The following ROBO1 variants were observed in gnomAD, a reference collection of about 807,000 sequenced individuals.
The protein encoded by ROBO1 is roundabout guidance receptor 1.
A neutral mutation model predicts 195.9 loss-of-function variants in ROBO1; 149 were observed. The ratio of observed to expected loss-of-function variants is 0.76; its 90% CI spans 0.67 to 0.87. The LOEUF is 0.87. Among genes scored for constraint, ROBO1 ranks in the 40% least tolerant of loss-of-function variants. ROBO1 has a pLI of 0.00. For synonymous variants in ROBO1, 816 were observed against 733.2 expected (o/e 1.11, Z -1.82); for missense variants, 1,933 against 2,068.3 (o/e 0.93, Z 1.27).
chr3:78,624,602 AGTATCCGATTCCATT>A (rs1365983093), intron 26 of ROBO1, among the ~76,000 whole-genome samples: 1 of 152,180 alleles, frequency 6.6e-6, no homozygotes, highest in Non-Finnish European at 1.5e-5. Flanking sequence ...ATTATTCCAT[AGTATCCGATTCCATT>A]CATCAAATAC....
chr3:79,319,553 C>A (rs1393151255), intron 2 of ROBO1, among the ~76,000 whole-genome samples: 1 of 151,822 alleles, frequency 6.6e-6, no homozygotes, highest in Admixed American at 6.6e-5. Context: ...TGCATTAAAA[C>A]CTAAAGGACT....
chr3:79,382,491 A>G (rs1373162672), intron 2 of ROBO1, among the ~76,000 whole-genome samples: 1 of 152,182 alleles, frequency 6.6e-6, no homozygotes, highest in Admixed American at 6.5e-5. Context: ...CAACTATTAC[A>G]TTATAATAGA....
chr3:78,838,232 C>T (rs1408188638), intron 4 of ROBO1, among the ~76,000 whole-genome samples: 4 of 152,080 alleles, frequency 2.6e-5, no homozygotes, highest in Admixed American at 6.6e-5. Flanking sequence ...ATAAAAGAAA[C>T]TGCAGAAATG....
In ROBO1 at chr3:78,634,081, T is replaced by C. The variant is rs753729353; in HGVS notation, c.3374-39A>G. The C allele has an allele frequency of 1.0e-5, 14 of 1,362,790 alleles. No individual in the cohort carries two copies. The African/African-American group carries it at 1.9e-4, about 18-fold the overall frequency. 84.4% of individuals were successfully genotyped at this position (1,362,790 alleles called of 1,614,324 possible). ...ATGAAAAAACAATAAACATTTATTTTCTCTTCATGAGCGATTTCACATCTC... is the reference window on the plus strand; with the variant it reads ...ATGAAAAAACAATAAACATTTATTTCCTCTTCATGAGCGATTTCACATCTC... On this transcript the variant is annotated intron_variant, in intron 23 of 30. Coordinates refer to ENST00000464233, the MANE Select transcript of ROBO1 (RefSeq NM_002941.4).
intron 1 of ROBO1, among the ~76,000 whole-genome samples, chr3:79,604,846 T>C (rs771470719): frequency 3.3e-5 from 5 of 152,060 alleles, no homozygotes; most frequent in African/African-American, 1.2e-4. Context: ...TTTCCTCTTA[T>C]GTAAATAATT....
chr3:78,956,500 A>G (rs71324655), intron 3 of ROBO1, among the ~76,000 whole-genome samples: 4,940 of 152,320 alleles, frequency 0.032, 94 homozygotes, highest in Non-Finnish European at 0.052. Context: ...TCTGTGTTTA[A>G]TTAATAAATA....
At chr3:78,732,148 G>A (rs886081318) in intron 5 of ROBO1, among the ~76,000 whole-genome samples, 7 of 152,030 alleles carry the variant, frequency 4.6e-5, no homozygotes, top group Admixed American at 1.3e-4. Context: ...CCAAAGTAAA[G>A]CTTCTATAGA....
intron 2 of ROBO1, among the ~76,000 whole-genome samples, chr3:79,524,698 T>A (rs779926115): frequency 6.6e-6 from 1 of 152,142 alleles, no homozygotes; most frequent in African/African-American, 2.4e-5. Flanking sequence ...CAATGTATGT[T>A]TGTTTGTATC....
At chr3:79,727,297 T>C (rs1702963248) in intron 1 of ROBO1, among the ~76,000 whole-genome samples, 1 of 152,092 alleles carries the variant, frequency 6.6e-6, no homozygotes, top group Non-Finnish European at 1.5e-5. Flanking sequence ...TTTAAAAATA[T>C]GTGAAATATT....
intron 2 of ROBO1, among the ~76,000 whole-genome samples, chr3:79,360,191 A>T (rs1357512954): frequency 6.6e-6 from 1 of 152,056 alleles, no homozygotes; most frequent in African/African-American, 2.4e-5. Flanking sequence ...TAATAGCATC[A>T]TATTGTCTCA....
At chr3:79,605,257 A>C (rs867927492) in intron 1 of ROBO1, among the ~76,000 whole-genome samples, 1 of 106,034 alleles carries the variant, frequency 9.4e-6, no homozygotes, top group Middle Eastern at 4.4e-3. Context: ...TTTTTTTTTT[A>C]ACTCTTCTTT....
intron 2 of ROBO1, among the ~76,000 whole-genome samples, chr3:79,570,056 G>A (rs919532625): frequency 1.3e-5 from 2 of 152,112 alleles, no homozygotes; most frequent in East Asian, 1.9e-4. Flanking sequence ...AGCCAAGATC[G>A]CATGACTGCA....
At chr3:78,908,664 G>A (rs974632615) in intron 4 of ROBO1, among the ~76,000 whole-genome samples, 20 of 151,798 alleles carry the variant, frequency 1.3e-4, no homozygotes, top group African/African-American at 4.6e-4. Context: ...AGTTTACCTC[G>A]GCTTTCTTCT....
chr3:79,643,798 AC>A (rs1474781419), intron 1 of ROBO1, among the ~76,000 whole-genome samples: 3 of 152,178 alleles, frequency 2.0e-5, no homozygotes, highest in Non-Finnish European at 2.9e-5. Context: ...ACAAAGAAAG[AC>A]AGTAAGAAAG....
intron 3 of ROBO1, among the ~76,000 whole-genome samples, chr3:78,960,751 T>C (rs1034667859): frequency 6.8e-5 from 10 of 146,290 alleles, no homozygotes; most frequent in African/African-American, 1.8e-4. Context: ...CTCTCCAGCC[T>C]GGGCAACGAA....
chr3:79,240,091 A>G (rs1053912334), intron 2 of ROBO1, among the ~76,000 whole-genome samples: 2 of 152,166 alleles, frequency 1.3e-5, no homozygotes, highest in Admixed American at 6.6e-5. Flanking sequence ...TTAGGTATGT[A>G]GTACTTGTTA....
chr3:78,898,833 T>G (rs1337779908), intron 4 of ROBO1, among the ~76,000 whole-genome samples: 1 of 152,156 alleles, frequency 6.6e-6, no homozygotes, highest in Non-Finnish European at 1.5e-5. Flanking sequence ...ATATGTAAAG[T>G]GATTTTTCTT....
At chr3:79,418,015 C>A (rs568145576) in intron 2 of ROBO1, among the ~76,000 whole-genome samples, 16 of 152,056 alleles carry the variant, frequency 1.1e-4, no homozygotes, top group African/African-American at 3.9e-4. Context: ...CCCTATGAAG[C>A]CCCTAGCACA....
At chr3:79,636,684 T>C (rs925210142) in intron 1 of ROBO1, among the ~76,000 whole-genome samples, 4 of 152,166 alleles carry the variant, frequency 2.6e-5, no homozygotes, top group East Asian at 1.9e-4. Context: ...CTGAGAATAA[T>C]TGAAAGCTCA....
Sources: gnomAD v4.1 joint callset for allele counts (sites outside exome capture counted in the v4.1 genomes callset) on GRCh38, gnomAD v4.1.1 for gene constraint, MANE v1.5 for transcripts, NCBI Gene and HGNC (gene_info 2026-07-23, HGNC 2026-07-21) for gene names.